Variants in RBFOX1 observed in about 807,000 individuals in gnomAD.
RBFOX1 encodes the protein RNA binding protein fox-1 homolog 1.
RBFOX1 carries 8 observed loss-of-function variants against 57.7 expected under a neutral mutation model. The ratio of observed to expected loss-of-function variants is 0.14; its 90% CI spans 0.08 to 0.25. RBFOX1 has a LOEUF of 0.25. Ranked by LOEUF, RBFOX1 falls within the 10% of genes least tolerant of loss-of-function variation. The probability of loss-of-function intolerance (pLI) is 1.00; values close to 1 mark genes in which losing one functional copy is unlikely to be tolerated. For synonymous variants in RBFOX1, 326 were observed against 222.4 expected (o/e 1.47, Z -4.15); for missense variants, 611 against 548.5 (o/e 1.11, Z -1.14).
intron 3 of RBFOX1, among the ~76,000 whole-genome samples, chr16:5,851,769 G>A (rs1400755652): frequency 1.3e-5 from 2 of 152,210 alleles, no homozygotes; most frequent in African/African-American, 2.4e-5. Context: ...TCCGTTCAAA[G>A]GTGACAGGAA....
intron 2 of RBFOX1, among the ~76,000 whole-genome samples, chr16:6,635,640 G>A (rs2098425219): frequency 6.6e-6 from 1 of 152,156 alleles, no homozygotes; most frequent in Admixed American, 6.6e-5. Context: ...AAGGAAGGTG[G>A]CATAGGCACA....
chr16:6,412,960 A>G (rs938821391), intron 2 of RBFOX1, among the ~76,000 whole-genome samples: 6 of 152,192 alleles, frequency 3.9e-5, no homozygotes, highest in South Asian at 4.1e-4. Flanking sequence ...TAATTATGGA[A>G]TACTCTTGCC....
chr16:7,183,094 T>A (rs1454964190), intron 4 of RBFOX1, among the ~76,000 whole-genome samples: 1 of 152,106 alleles, frequency 6.6e-6, no homozygotes, highest in East Asian at 1.9e-4. Context: ...ACTGCCAATT[T>A]CCTAGGAGAG....
At chr16:5,855,512 T>G (rs922765805) in intron 3 of RBFOX1, among the ~76,000 whole-genome samples, 4 of 152,214 alleles carry the variant, frequency 2.6e-5, no homozygotes, top group Admixed American at 2.6e-4. Context: ...TTGGCATTCT[T>G]GCTGAAGATC....
intron 2 of RBFOX1, among the ~76,000 whole-genome samples, chr16:6,418,906 T>C (rs1324943997): frequency 2.0e-5 from 3 of 152,146 alleles, no homozygotes; most frequent in African/African-American, 4.8e-5. Flanking sequence ...AAAGGTCCTA[T>C]GTGGAAGAAC....
At chr16:5,957,198 CAATT>C (rs1410816945) in intron 4 of RBFOX1, among the ~76,000 whole-genome samples, 3 of 151,984 alleles carry the variant, frequency 2.0e-5, no homozygotes, top group Admixed American at 6.6e-5. Context: ...CTATGAGAAA[CAATT>C]TATTTTTTTT....
intron 4 of RBFOX1, among the ~76,000 whole-genome samples, chr16:5,983,622 T>G (rs2060217689): frequency 6.6e-6 from 1 of 152,166 alleles, no homozygotes; most frequent in Admixed American, 6.5e-5. Context: ...CCTTGTTTTT[T>G]GAAACCAACT....
intron 4 of RBFOX1, among the ~76,000 whole-genome samples, chr16:7,146,799 A>C (rs192679525): frequency 3.3e-5 from 5 of 150,614 alleles, no homozygotes; most frequent in African/African-American, 1.2e-4. Flanking sequence ...AAAATACAAA[A>C]ATATATCCAA....
At chr16:6,663,393 C>CA (rs1357504170) in intron 3 of RBFOX1, among the ~76,000 whole-genome samples, 1 of 152,194 alleles carries the variant, frequency 6.6e-6, no homozygotes, top group Non-Finnish European at 1.5e-5. Flanking sequence ...TGCATATGAG[C>CA]ATGACATAGC....
intron 1 of RBFOX1, among the ~76,000 whole-genome samples, chr16:6,205,771 G>A (rs2097251211): frequency 6.7e-6 from 1 of 149,200 alleles, no homozygotes; most frequent in Non-Finnish European, 1.5e-5. Context: ...CTTTTTTTCT[G>A]CTCAACTGGT....
At chr16:5,759,036 C>G (rs910945913) in intron 3 of RBFOX1, among the ~76,000 whole-genome samples, 5 of 152,148 alleles carry the variant, frequency 3.3e-5, no homozygotes, top group Admixed American at 2.0e-4. Flanking sequence ...TTCATGAAAC[C>G]TCCATTTGAA....
At chr16:6,862,117 T>C (rs2059129494) in intron 3 of RBFOX1, among the ~76,000 whole-genome samples, 1 of 152,196 alleles carries the variant, frequency 6.6e-6, no homozygotes, top group South Asian at 2.1e-4. Context: ...TTGGAAAGGA[T>C]GCTTCAGCAA....
intron 4 of RBFOX1, among the ~76,000 whole-genome samples, chr16:7,067,804 C>A (rs972657893): frequency 2.0e-5 from 3 of 150,534 alleles, no homozygotes; most frequent in African/African-American, 7.3e-5. Flanking sequence ...TTTGTCCTTG[C>A]GATAGTTTAC....
intron 4 of RBFOX1, among the ~76,000 whole-genome samples, chr16:6,006,807 T>C (rs2094930213): frequency 6.6e-6 from 1 of 152,174 alleles, no homozygotes; most frequent in Non-Finnish European, 1.5e-5. Context: ...TGAGTGGAAA[T>C]GAGGGGAACC....
chr16:7,308,606 G>A (rs1242105930), intron 4 of RBFOX1, among the ~76,000 whole-genome samples: 1 of 152,168 alleles, frequency 6.6e-6, no homozygotes, highest in Non-Finnish European at 1.5e-5. Context: ...TAGTGAAGTG[G>A]TTTGTACAAA....
chr16:7,449,413 A>G (rs1421811212), intron 4 of RBFOX1, among the ~76,000 whole-genome samples: 1 of 152,176 alleles, frequency 6.6e-6, no homozygotes, highest in Non-Finnish European at 1.5e-5. Context: ...TTCAGAATGA[A>G]TAGAAAACTT....
intron 13 of RBFOX1, among the ~76,000 whole-genome samples, chr16:7,671,756 A>G (rs998249195): frequency 1.3e-5 from 2 of 152,162 alleles, no homozygotes; most frequent in African/African-American, 4.8e-5. Flanking sequence ...ATCTCCTAGA[A>G]TAGAGGTGAG....
intron 3 of RBFOX1, among the ~76,000 whole-genome samples, chr16:6,806,837 T>TATTTATATATATATATA (rs1491107829): frequency 0.014 from 963 of 67,384 alleles, 6 homozygotes; most frequent in Middle Eastern, 0.046. Flanking sequence ...TATATATATA[T>TATTTATATATATATATA]TTTTTTTTTT....
intron 3 of RBFOX1, among the ~76,000 whole-genome samples, chr16:6,822,521 C>G (rs1270042287): frequency 6.6e-6 from 1 of 152,198 alleles, no homozygotes. Context: ...GAATGCAATT[C>G]CACTTCGTGG....
Sources: gnomAD v4.1 joint callset for allele counts (sites outside exome capture counted in the v4.1 genomes callset) on GRCh38, gnomAD v4.1.1 for gene constraint, MANE v1.5 for transcripts, NCBI Gene and HGNC (gene_info 2026-07-23, HGNC 2026-07-21) for gene names.